The following ACACA variants were observed in gnomAD, a reference collection of about 807,000 sequenced individuals.
ACACA encodes the protein acetyl-CoA carboxylase 1.
A neutral mutation model predicts 296.1 loss-of-function variants in ACACA; 103 were observed. That is an observed-to-expected ratio of 0.35 (90% confidence interval 0.30 to 0.41). The LOEUF is 0.41. Ranked by LOEUF, ACACA falls within the 10% of genes least tolerant of loss-of-function variation. The pLI is 1.00. For missense variants in ACACA, 1,554 were observed against 2,989.7 expected (o/e 0.52, Z 11.20); for synonymous variants, 953 against 1,038.6 (o/e 0.92, Z 1.58).
intron 1 of ACACA, among the ~76,000 whole-genome samples, chr17:37,341,906 T>C (rs908305910): frequency 6.6e-6 from 1 of 152,000 alleles, no homozygotes; most frequent in African/African-American, 2.4e-5. Context: ...AGGTTTGGGA[T>C]TCCTAAACTC....
At chr17:37,114,803 T>A (rs956448489) in intron 50 of ACACA, among the ~76,000 whole-genome samples, 1 of 152,172 alleles carries the variant, frequency 6.6e-6, no homozygotes, top group African/African-American at 2.4e-5. Context: ...TCAACTGAGA[T>A]CAAACTTTCT....
chr17:37,261,365 A>G (rs2081507347), intron 11 of ACACA, among the ~76,000 whole-genome samples: 1 of 152,246 alleles, frequency 6.6e-6, no homozygotes, highest in Admixed American at 6.5e-5. Context: ...AAGTTTCTAT[A>G]TCTAGAAGAA....
At chr17:37,391,946 T>C (rs1324579018) in intron 1 of ACACA, 1 of 555,896 alleles carries the variant, frequency 1.8e-6, no homozygotes, top group Non-Finnish European at 3.2e-6. Context: ...TCCATCTAAA[T>C]GGATACCTTT....
intron 18 of ACACA, chr17:37,247,775 A>G: frequency 1.7e-6 from 1 of 586,328 alleles, no homozygotes; most frequent in Non-Finnish European, 3.0e-6. Context: ...ATGGTTACTT[A>G]TAAAAAGGGG....
chr17:37,196,845 A>AT (rs955686878), intron 35 of ACACA, among the ~76,000 whole-genome samples: 1 of 151,814 alleles, frequency 6.6e-6, no homozygotes, highest in South Asian at 2.1e-4. Flanking sequence ...CATCTTGTCC[A>AT]TTTTTTTCTT....
At chr17:37,102,359 C>T (rs1284373981) in intron 52 of ACACA, among the ~76,000 whole-genome samples, 1 of 152,068 alleles carries the variant, frequency 6.6e-6, no homozygotes, top group African/African-American at 2.4e-5. Context: ...TGCCCGTCAC[C>T]AAGCCTGACT....
chr17:37,303,708 A>T (rs934918195), intron 3 of ACACA, among the ~76,000 whole-genome samples: 1 of 152,158 alleles, frequency 6.6e-6, no homozygotes, highest in Non-Finnish European at 1.5e-5. Flanking sequence ...AAATACAAAA[A>T]TTACCTGGGC....
intron 35 of ACACA, among the ~76,000 whole-genome samples, chr17:37,194,933 A>ACCCCCCCCCC (rs111271581): frequency 6.6e-6 from 1 of 150,450 alleles, no homozygotes; most frequent in African/African-American, 2.5e-5. Flanking sequence ...ATTCTCTGAC[A>ACCCCCCCCCC]CCCCCCCCAC....
chr17:37,124,458 TCA>T (rs1363261694), intron 48 of ACACA, among the ~76,000 whole-genome samples: 1 of 152,252 alleles, frequency 6.6e-6, no homozygotes, highest in Non-Finnish European at 1.5e-5. Context: ...TCATGTTTTT[TCA>T]CAGACAGGAA....
At chr17:37,102,199 CTTTTTTTTTTT>C (rs35050543) in intron 52 of ACACA, among the ~76,000 whole-genome samples, 1 of 106,092 alleles carries the variant, frequency 9.4e-6, no homozygotes, top group South Asian at 3.1e-4. Context: ...GCATCCAGCT[CTTTTTTTTTTT>C]TTTTTTTTTT....
At chr17:37,367,817 C>T (rs2049660470) in intron 1 of ACACA, 1 of 152,152 alleles carries the variant, frequency 6.6e-6, no homozygotes, top group Non-Finnish European at 1.5e-5. Context: ...CTTGCAATCC[C>T]AACACTGTGA....
At chr17:37,172,394 T>C (rs2076915459) in intron 41 of ACACA, among the ~76,000 whole-genome samples, 1 of 152,188 alleles carries the variant, frequency 6.6e-6, no homozygotes, top group Admixed American at 6.5e-5. Flanking sequence ...GAGAAAAGTA[T>C]ATACATCCCA....
At chr17:37,173,349 A>T (rs1318696970) in intron 41 of ACACA, among the ~76,000 whole-genome samples, 1 of 152,188 alleles carries the variant, frequency 6.6e-6, no homozygotes, top group Non-Finnish European at 1.5e-5. Context: ...CTAAAATAAG[A>T]GGTCCTTTGG....
intron 1 of ACACA, among the ~76,000 whole-genome samples, chr17:37,384,210 C>T (rs2050428825): frequency 6.6e-6 from 1 of 152,126 alleles, no homozygotes; most frequent in South Asian, 2.1e-4. Context: ...AAAATGTCCT[C>T]AAGTAAAATA....
At chr17:37,393,911 ATT>A (rs2050984788) in intron 1 of ACACA, among the ~76,000 whole-genome samples, 1 of 152,056 alleles carries the variant, frequency 6.6e-6, no homozygotes, top group Admixed American at 6.6e-5. Flanking sequence ...TTTGGGGACA[ATT>A]TGTTTCCCCT....
intron 52 of ACACA, among the ~76,000 whole-genome samples, chr17:37,099,830 A>G (rs2073254962): frequency 6.6e-6 from 1 of 152,174 alleles, no homozygotes; most frequent in Admixed American, 6.5e-5. Flanking sequence ...AGCTGATTCT[A>G]GGGATGAGGT....
chr17:37,389,519 C>T (rs1269813811), intron 1 of ACACA, among the ~76,000 whole-genome samples: 1 of 152,030 alleles, frequency 6.6e-6, no homozygotes, highest in African/African-American at 2.4e-5. Context: ...TGACGAAACC[C>T]TGTCTCTACT....
intron 3 of ACACA, among the ~76,000 whole-genome samples, chr17:37,324,357 A>G (rs2047492597): frequency 6.7e-6 from 1 of 149,686 alleles, no homozygotes; most frequent in Non-Finnish European, 1.5e-5. Flanking sequence ...CAAGAGCGAA[A>G]CTCTGTCTCA....
In ACACA at chr17:37,221,930, T is replaced by C. The variant is rs571806223; in HGVS notation, c.3565-88A>G. Reference sequence around the variant, plus strand: ...AAAAAGAGTCTTGAAACGAGGTATCTGAGGCAGAAGGTGCTCTGTGGGGAG... The same window carrying C: ...AAAAAGAGTCTTGAAACGAGGTATCCGAGGCAGAAGGTGCTCTGTGGGGAG... On this transcript the variant is annotated intron_variant, in intron 28 of 55. Coordinates refer to ENST00000616317, the MANE Select transcript of ACACA (RefSeq NM_198834.3). 6.0e-6 allele frequency: 7 copies of C among 1,158,730 alleles called. No individual in the cohort carries two copies. In the African/African-American group the frequency reaches 7.6e-5, roughly 13 times the overall value. 71.8% of individuals were successfully genotyped at this position (1,158,730 alleles called of 1,614,324 possible).
Sources: allele counts gnomAD v4.1 joint callset (sites outside exome capture counted in the v4.1 genomes callset), GRCh38; gene constraint gnomAD v4.1.1; transcripts MANE v1.5; gene names NCBI Gene and HGNC (gene_info 2026-07-23, HGNC 2026-07-21).